The following ZSWIM6 variants were observed in gnomAD, a reference collection of about 807,000 sequenced individuals.
The protein encoded by ZSWIM6 is zinc finger SWIM-type containing 6.
ZSWIM6 carries 9 observed loss-of-function variants against 113.2 expected under a neutral mutation model. The observed-to-expected ratio is 0.08, with a 90% CI of 0.05 to 0.14. The LOEUF (loss-of-function observed/expected upper bound fraction) is 0.14, where lower values mean the gene tolerates loss of function less well. ZSWIM6 is among the 10% of genes least tolerant of loss of function. The pLI is 1.00. For missense variants in ZSWIM6, 1,162 were observed against 1,552.2 expected, an observed-to-expected ratio of 0.75 and a Z score of 4.22; for synonymous variants, 611 against 606.5, an observed-to-expected ratio of 1.01 and a Z score of -0.11.
chr5:61,354,848 A>G (rs1407660684), intron 1 of ZSWIM6, among the ~76,000 whole-genome samples: 1 of 152,164 alleles, frequency 6.6e-6, no homozygotes, highest in East Asian at 1.9e-4. Context: ...CTTATTATAT[A>G]TTCCATTCTT....
At chr5:61,412,756 G>T (rs1004793493) in intron 1 of ZSWIM6, among the ~76,000 whole-genome samples, 1 of 152,072 alleles carries the variant, frequency 6.6e-6, no homozygotes, top group Non-Finnish European at 1.5e-5. Context: ...ATTTAAAATG[G>T]TTTATTGTGA....
At chr5:61,410,772 A>G (rs534221827) in intron 1 of ZSWIM6, among the ~76,000 whole-genome samples, 1 of 152,330 alleles carries the variant, frequency 6.6e-6, no homozygotes, top group African/African-American at 2.4e-5. Context: ...CATTTAATAC[A>G]TAGAATAGCC....
At chr5:61,520,618 G>C (rs1474603510) in intron 4 of ZSWIM6, among the ~76,000 whole-genome samples, 1 of 152,042 alleles carries the variant, frequency 6.6e-6, no homozygotes, top group African/African-American at 2.4e-5. Flanking sequence ...ATTTTTGAAA[G>C]ACGTATTTTA....
At chr5:61,494,518 G>T (rs1289972282) in intron 4 of ZSWIM6, 108 bp downstream of exon 4, 15 of 1,384,138 alleles carry the variant, frequency 1.1e-5, no homozygotes, top group Non-Finnish European at 2.0e-6. Flanking sequence ...AGCTGCTCAT[G>T]CATGGAACGT....
intron 1 of ZSWIM6, among the ~76,000 whole-genome samples, chr5:61,464,158 A>ATTTTTTTTTTTTTTTTTTTTT (rs869288331): frequency 9.2e-5 from 4 of 43,524 alleles, no homozygotes; most frequent in Admixed American, 3.6e-4. Flanking sequence ...CACCCGGCTA[A>ATTTTTTTTTTTTTTTTTTTTT]TTTTTTTTTT....
chr5:61,448,396 C>T (rs1056793123), intron 1 of ZSWIM6, among the ~76,000 whole-genome samples: 1 of 152,182 alleles, frequency 6.6e-6, no homozygotes, highest in Non-Finnish European at 1.5e-5. Context: ...CAGAATATCA[C>T]GTTCTATACA....
At chr5:61,425,146 T>G (rs745747677) in intron 1 of ZSWIM6, among the ~76,000 whole-genome samples, 1 of 152,146 alleles carries the variant, frequency 6.6e-6, no homozygotes, top group Non-Finnish European at 1.5e-5. Context: ...ACCAAGACCA[T>G]TGATTGTAAA....
At chr5:61,485,845 C>A (rs887412225) in intron 2 of ZSWIM6, among the ~76,000 whole-genome samples, 1 of 152,100 alleles carries the variant, frequency 6.6e-6, no homozygotes, top group African/African-American at 2.4e-5. Context: ...TTTCCTTCCC[C>A]CATGTAACTA....
intron 1 of ZSWIM6, among the ~76,000 whole-genome samples, chr5:61,414,296 G>A (rs932331609): frequency 6.6e-6 from 1 of 151,890 alleles, no homozygotes; most frequent in Admixed American, 6.6e-5. Context: ...GATGGGATGG[G>A]GAAAAAAAAG....
At chr5:61,429,840 C>T (rs568959383) in intron 1 of ZSWIM6, among the ~76,000 whole-genome samples, 1 of 152,072 alleles carries the variant, frequency 6.6e-6, no homozygotes, top group Non-Finnish European at 1.5e-5. Flanking sequence ...GTACTGATCA[C>T]ATTGTCTTTT....
chr5:61,502,753 G>A (rs953804222), intron 4 of ZSWIM6, among the ~76,000 whole-genome samples: 2 of 152,192 alleles, frequency 1.3e-5, no homozygotes, highest in Admixed American at 1.3e-4. Flanking sequence ...TGTCAGATCA[G>A]CAGTGGCATT....
intron 1 of ZSWIM6, among the ~76,000 whole-genome samples, chr5:61,346,965 A>G (rs1302237880): frequency 6.6e-6 from 1 of 152,206 alleles, no homozygotes; most frequent in Admixed American, 6.5e-5. Flanking sequence ...TACAGATTCA[A>G]GTTTCATTCA....
chr5:61,338,310 G>A (rs1235855390), intron 1 of ZSWIM6, among the ~76,000 whole-genome samples: 1 of 152,074 alleles, frequency 6.6e-6, no homozygotes, highest in East Asian at 1.9e-4. Context: ...AGACGATTCT[G>A]AATGCACATT....
intron 2 of ZSWIM6, among the ~76,000 whole-genome samples, chr5:61,483,509 G>A (rs2112202320): frequency 6.6e-6 from 1 of 152,170 alleles, no homozygotes; most frequent in African/African-American, 2.4e-5. Context: ...ACCAAAATCT[G>A]TATCTATGTA....
chr5:61,397,066 T>C (rs1745851636), intron 1 of ZSWIM6, among the ~76,000 whole-genome samples: 1 of 152,216 alleles, frequency 6.6e-6, no homozygotes, highest in Non-Finnish European at 1.5e-5. Flanking sequence ...GATGTGGTAC[T>C]AGAACTAAGT....
In ZSWIM6 at chr5:61,521,455, TA is replaced by T; in HGVS notation, c.1513+15del. The T allele has an allele frequency of 6.9e-7, 1 of 1,444,140 alleles. No individual in the cohort carries two copies. The highest frequency in any genetic ancestry group is 9.2e-7 in the Non-Finnish European group (1 of 1,090,902). 89.5% of individuals were successfully genotyped at this position (1,444,140 alleles called of 1,614,324 possible). A position where few individuals can be genotyped will look rare whatever the true frequency, so the allele number is the denominator to read the frequency against. On this transcript the variant is annotated intron_variant, in intron 5 of 13. Transcript: ENST00000252744. ...AATGCCAACCAAGGTGAGTCTACCATAATGTTCTGCTTAAATTGTAGCTACT... is the reference window on the plus strand; with the variant it reads ...AATGCCAACCAAGGTGAGTCTACCATATGTTCTGCTTAAATTGTAGCTACT...
At chr5:61,398,718 A>T (rs1745887132) in intron 1 of ZSWIM6, among the ~76,000 whole-genome samples, 1 of 152,114 alleles carries the variant, frequency 6.6e-6, no homozygotes, top group African/African-American at 2.4e-5. Context: ...GGTTCATTAC[A>T]ATTTTGATTT....
chr5:61,456,550 G>A (rs967502698), intron 1 of ZSWIM6, among the ~76,000 whole-genome samples: 3 of 152,208 alleles, frequency 2.0e-5, no homozygotes, highest in Non-Finnish European at 4.4e-5. Flanking sequence ...AGTTGCTGGG[G>A]AATACAGCTG....
At chr5:61,497,554 T>C (rs1461270985) in intron 4 of ZSWIM6, among the ~76,000 whole-genome samples, 39 of 152,180 alleles carry the variant, frequency 2.6e-4, no homozygotes, top group Non-Finnish European at 1.2e-4. Context: ...TTTCATAATG[T>C]AGTATGAAAT....
Sources: allele counts gnomAD v4.1 joint callset (sites outside exome capture counted in the v4.1 genomes callset), GRCh38; gene constraint gnomAD v4.1.1; transcripts MANE v1.5; gene names NCBI Gene and HGNC (gene_info 2026-07-23, HGNC 2026-07-21).